ZNF362: variants seen among roughly 807,000 people sequenced by gnomAD.
ZNF362 encodes zinc finger protein 362, also known as rotund homolog.
A neutral mutation model predicts 42.9 loss-of-function variants in ZNF362; 11 were observed. That is an observed-to-expected ratio of 0.26 (90% CI 0.16 to 0.42). ZNF362 has a LOEUF of 0.42. ZNF362 is among the 20% of genes least tolerant of loss of function. ZNF362 has a pLI of 1.00. For missense variants in ZNF362, 362 were observed against 576.2 expected (o/e 0.63, Z 3.81); for synonymous variants, 255 against 257.3 (o/e 0.99, Z 0.09).
At chr1:33,185,248 GT>G in the ZNF362 span, among the ~76,000 whole-genome samples, 28 of 151,844 alleles carry the variant, frequency 1.8e-4, no homozygotes, top group Admixed American at 7.9e-4. Context: ...TTGAGATGGA[GT>G]CTTGCTCTGT....
At chr1:33,176,273 C>T in the ZNF362 span, 1 of 501,144 alleles carries the variant, frequency 2.0e-6, no homozygotes, top group Non-Finnish European at 3.7e-6. Context: ...TTCTTACTTC[C>T]ATTTCTCAGA....
chr1:33,165,182 C>T, the ZNF362 span: 1 of 312,806 alleles, frequency 3.2e-6, no homozygotes, highest in South Asian at 5.4e-5. This position sits in a 1 kb window ranked among gnomAD's most constrained non-coding sequence, Gnocchi z 4.0. Flanking sequence ...GTCCCGGGAC[C>T]CGCCTCAACT....
At chr1:33,189,655 A>ATATATATATATATATATATATATG in the ZNF362 span, among the ~76,000 whole-genome samples, 15 of 23,312 alleles carry the variant, frequency 6.4e-4, no homozygotes, top group African/African-American at 1.2e-3. Flanking sequence ...ATATATATAT[A>ATATATATATATATATATATATATG]TATATATATA....
At chr1:33,220,839 G>A in the ZNF362 span, among the ~76,000 whole-genome samples, 3 of 152,148 alleles carry the variant, frequency 2.0e-5, no homozygotes, top group Non-Finnish European at 2.9e-5. Flanking sequence ...GCCACCGTTA[G>A]GTCACCCTAT....
chr1:33,164,803 G>T, the ZNF362 span: 1 of 151,798 alleles, frequency 6.6e-6, no homozygotes. Context: ...TTTAGAGACA[G>T]GGTATCACTC....
chr1:33,216,383 T>C, the ZNF362 span, among the ~76,000 whole-genome samples: 134,306 of 145,120 alleles, frequency 0.93, 62,661 homozygotes, highest in South Asian at 0.98. Flanking sequence ...GGGCAGATCA[T>C]GAGGTCAGGA....
the ZNF362 span, chr1:33,147,032 T>A: frequency 5.0e-6 from 4 of 806,116 alleles, no homozygotes; most frequent in Non-Finnish European, 7.9e-6. This position sits in a 1 kb window ranked among gnomAD's most constrained non-coding sequence, Gnocchi z 8.1. Context: ...CAACCTCCAT[T>A]TTACAGACTG....
intron 6 of ZNF362, among the ~76,000 whole-genome samples, chr1:33,288,761 A>G (rs1410435861): frequency 1.3e-5 from 2 of 148,732 alleles, no homozygotes; most frequent in African/African-American, 4.9e-5. Context: ...AAAAAAAAAA[A>G]AGAAGCGTGA....
chr1:33,179,119 G>C, the ZNF362 span, among the ~76,000 whole-genome samples: 1 of 152,230 alleles, frequency 6.6e-6, no homozygotes, highest in Non-Finnish European at 1.5e-5. Flanking sequence ...TTGGACAGAT[G>C]GTTTCAGACA....
chr1:33,131,652 T>A, the ZNF362 span, among the ~76,000 whole-genome samples: 3 of 152,186 alleles, frequency 2.0e-5, no homozygotes, highest in African/African-American at 7.2e-5. Context: ...ATATATTAAA[T>A]TAATTTCACA....
chr1:33,154,652 GCTGGGTGCAGTGGCGTGTGC>G, the ZNF362 span, among the ~76,000 whole-genome samples: 6 of 149,690 alleles, frequency 4.0e-5, no homozygotes, highest in South Asian at 1.1e-3. Flanking sequence ...ACAAAAATTA[GCTGGGTGCAGTGGCGTGTGC>G]CTGTAATCCC....
the ZNF362 span, among the ~76,000 whole-genome samples, chr1:33,233,089 T>A: frequency 6.6e-6 from 1 of 152,226 alleles, no homozygotes; most frequent in Non-Finnish European, 1.5e-5. Flanking sequence ...AAAATCAAAC[T>A]TCTTAATGTG....
chr1:33,257,687 G>T (rs961174173), intron 1 of ZNF362, among the ~76,000 whole-genome samples: 1 of 152,098 alleles, frequency 6.6e-6, no homozygotes, highest in African/African-American at 2.4e-5. Context: ...GGAGAGGGCC[G>T]GCAAGAGGGG....
the ZNF362 span, among the ~76,000 whole-genome samples, chr1:33,155,433 C>T: frequency 1.3e-5 from 2 of 152,114 alleles, no homozygotes; most frequent in African/African-American, 4.8e-5. Context: ...AGAATGAATC[C>T]AGCCAGATGG....
At chr1:33,174,945 G>GTATATA in the ZNF362 span, among the ~76,000 whole-genome samples, 43 of 141,750 alleles carry the variant, frequency 3.0e-4, no homozygotes, top group East Asian at 4.8e-3. Context: ...ATATATGTGT[G>GTATATA]TATATATATA....
chr1:33,211,056 C>T, the ZNF362 span, among the ~76,000 whole-genome samples: 6 of 151,976 alleles, frequency 3.9e-5, no homozygotes, highest in South Asian at 1.2e-3. Context: ...GCCTCAGCCT[C>T]CCGAGTAGCT....
chr1:33,280,556 T>G lies in ZNF362; in HGVS notation c.683+99T>G, dbSNP rs1645985794. On this transcript the variant is annotated intron_variant, in intron 5 of 8. Coordinates refer to ENST00000539719, the MANE Select transcript of ZNF362 (RefSeq NM_152493.3). The surrounding 1 kb of genome is among the most constrained non-coding windows in gnomAD (Gnocchi z 5.6). ...AGCAGCGGGGCTGAAACAGGACCCT[T>G]AGGGCTGAGGGGCAGGGCTAGGGTC... is the stretch of plus-strand genomic sequence containing the variant. 1 of 1,456,068 alleles carries G rather than the reference T, an allele frequency of 6.9e-7. No individual in the cohort carries two copies. The allele number at this position is 1,456,068 out of a possible 1,614,324, so 90.2% of individuals were successfully genotyped here. A position where few individuals can be genotyped will look rare whatever the true frequency, so the allele number is the denominator to read the frequency against.
At position 33,300,466 on chromosome 1, in the gene ZNF362, C is replaced by A. The variant is rs1337340582; in HGVS notation, c.*1420C>A. ...GACCTCCAGGCCACCATATTTAGAA[C>A]TAGTTACCTTATTAAAAAAGAAAAA... is the stretch of plus-strand genomic sequence containing the variant. On this transcript the variant is annotated 3_prime_UTR_variant, in exon 9 of 9. Coordinates refer to ENST00000539719, the MANE Select transcript of ZNF362 (RefSeq NM_152493.3). 2 of 152,426 alleles carry A rather than the reference C, an allele frequency of 1.3e-5. No homozygotes were observed. Among genetic ancestry groups the A allele is most frequent in the Non-Finnish European group, 2.9e-5 (2 of 68,012 alleles). The allele number at this position is 152,426 out of a possible 1,614,324, so 9.4% of individuals were successfully genotyped here. A position where few individuals can be genotyped will look rare whatever the true frequency, so the allele number is the denominator to read the frequency against.
At chr1:33,278,644 G>A (rs1308140235) in intron 4 of ZNF362, among the ~76,000 whole-genome samples, 1 of 152,190 alleles carries the variant, frequency 6.6e-6, no homozygotes, top group Non-Finnish European at 1.5e-5. Flanking sequence ...TCTCCTCTCA[G>A]ATCTATTCCT....
Sources: allele counts gnomAD v4.1 joint callset (sites outside exome capture counted in the v4.1 genomes callset), GRCh38; gene constraint gnomAD v4.1.1; non-coding constraint Gnocchi (gnomAD v3.1); transcripts MANE v1.5; gene names NCBI Gene and HGNC (gene_info 2026-07-23, HGNC 2026-07-21).